TTC39A: variants seen among roughly 807,000 people sequenced by gnomAD.
TTC39A encodes the protein tetratricopeptide repeat protein 39A.
In TTC39A, 46 loss-of-function variants were observed where a neutral mutation model predicts 82.3. That is an observed-to-expected ratio of 0.56 (90% confidence interval 0.44 to 0.71). The LOEUF is 0.71. TTC39A is among the 30% of genes least tolerant of loss of function. The pLI is 0.00. For missense variants in TTC39A, 543 were observed against 712.9 expected, an observed-to-expected ratio of 0.76 and a Z score of 2.71; for synonymous variants, 254 against 275.2, an observed-to-expected ratio of 0.92 and a Z score of 0.76.
At chr1:51,334,218 G>T (rs568561135), upstream of TTC39A, among the ~76,000 whole-genome samples, 8 of 146,430 alleles carry the variant, frequency 5.5e-5, no homozygotes, top group Non-Finnish European at 7.5e-5. Context: ...AAAAAAAAAG[G>T]CCAGGCCAGT....
chr1:51,342,166 C>T (rs189867425), intron 1 of TTC39A, among the ~76,000 whole-genome samples: 5 of 152,224 alleles, frequency 3.3e-5, no homozygotes, highest in African/African-American at 9.6e-5. Context: ...GAGTAGGGTG[C>T]GGTCCCCATT....
intron 1 of TTC39A, among the ~76,000 whole-genome samples, chr1:51,325,412 GTC>G (rs2148294170): frequency 6.6e-6 from 1 of 152,312 alleles, no homozygotes; most frequent in Admixed American, 6.5e-5. Flanking sequence ...GATGGTGTCT[GTC>G]TCTGCCCAGG....
At chr1:51,295,545 C>A (rs1223070032) in intron 13 of TTC39A, 1 of 160,648 alleles carries the variant, frequency 6.2e-6, no homozygotes, top group Non-Finnish European at 1.4e-5. Flanking sequence ...TAGTTCTATG[C>A]GCCAGGCTCT....
At chr1:51,290,449 G>T in intron 15 of TTC39A, 65 bp downstream of exon 15, 1 of 1,441,246 alleles carries the variant, frequency 6.9e-7, no homozygotes, top group Non-Finnish European at 9.5e-7. Context: ...ATTTTTGGCA[G>T]AGGGAAGCTT....
chr1:51,291,179 C>CT lies in TTC39A; in HGVS notation c.1267-555dup, dbSNP rs919738790. ...TTCCTTTTATTCTTTTTCTTAGATT[C>CT]TTTTTTTTTAGTTAAAAAAATTTGG... On this transcript the variant is annotated intron_variant, in intron 14 of 17. Transcript: ENST00000680483. Among the ~76,000 whole-genome samples, 35 of 151,410 alleles carry CT rather than the reference C, an allele frequency of 2.3e-4. No homozygotes were observed. In the East Asian group the frequency reaches 4.5e-3, roughly 19 times the overall value.
At chr1:51,322,003 T>G in intron 1 of TTC39A, 178 bp from the exon 2 acceptor site, 1 of 1,406,452 alleles carries the variant, frequency 7.1e-7, no homozygotes, top group Non-Finnish European at 9.7e-7. Context: ...ACCCACCTCT[T>G]GGTGTTCCCA....
chr1:51,338,936 C>T (rs1295402693), intron 1 of TTC39A, among the ~76,000 whole-genome samples: 1 of 152,172 alleles, frequency 6.6e-6, no homozygotes, highest in Non-Finnish European at 1.5e-5. Context: ...CTGTCCTGTG[C>T]TCAGGGTCAG....
chr1:51,303,131 C>T lies in TTC39A; in HGVS notation c.716G>A (p.Cys239Tyr), dbSNP rs1644738897. 2 of 1,592,452 alleles carry T rather than the reference C, an allele frequency of 1.3e-6. No homozygotes were observed. Among genetic ancestry groups the T allele is most frequent in the South Asian group, 2.3e-5 (2 of 87,234 alleles). The change falls in exon 9 of 18, where the codon TGT (cysteine) becomes TAT (tyrosine). Residue 239 changes from cysteine to tyrosine, a missense_variant. Physicochemically the swap from Cys to Tyr is radical, Grantham distance 194 (BLOSUM62 -2). Transcript: ENST00000680483. Reference sequence around the variant, plus strand: ...GTGGTAGCACAGCAGGAGCATGACACAGAGCACAGAGCGGAAGCTGTGCCC... The same window carrying T: ...GTGGTAGCACAGCAGGAGCATGACATAGAGCACAGAGCGGAAGCTGTGCCC... ...ASGHSFRSVLCVMLLLCYHTF... is the reference protein window; with the variant it reads ...ASGHSFRSVLYVMLLLCYHTF...
In TTC39A at chr1:51,309,362, T is replaced by A. The variant is rs1644994523; in HGVS notation, c.424-37A>T. On this transcript the variant is annotated intron_variant, in intron 5 of 17. Transcript: ENST00000680483. ...AAAGATGCTGACGGCCTGGCCCAGG[T>A]GGGCAGCTGCAGGCGTGAGAGGGAT... is the stretch of plus-strand genomic sequence containing the variant. 7.4e-6 allele frequency: 12 copies of A among 1,612,346 alleles called. No homozygotes were observed. In the East Asian group the frequency reaches 2.7e-4, roughly 36 times the overall value.
chr1:51,345,003 T>C, exon 1 of TTC39A: 1 of 1,523,744 alleles, frequency 6.6e-7, no homozygotes. Flanking sequence ...GCGGTCGCTT[T>C]TCCCGGAGGC....
chr1:51,344,890 C>T (rs1646078559), intron 1 of TTC39A: 3 of 1,412,588 alleles, frequency 2.1e-6, no homozygotes, highest in South Asian at 1.3e-5. Flanking sequence ...ACCCTTTCCC[C>T]AGCTGTGCCT....
intron 7 of TTC39A, 82 bp from the exon 8 acceptor site, chr1:51,305,228 T>A: frequency 7.2e-7 from 1 of 1,394,526 alleles, no homozygotes; most frequent in Non-Finnish European, 1.0e-6. Context: ...TCTAGCTCTT[T>A]AACAGGCTTT....
At chr1:51,326,848 C>A (rs1021649049) in intron 1 of TTC39A, among the ~76,000 whole-genome samples, 3 of 152,174 alleles carry the variant, frequency 2.0e-5, no homozygotes, top group Non-Finnish European at 2.9e-5. Context: ...TCTATTCCTG[C>A]GGTGATGGTG....
At chr1:51,329,431 T>C (rs928970434) in intron 1 of TTC39A, among the ~76,000 whole-genome samples, 2 of 152,134 alleles carry the variant, frequency 1.3e-5, no homozygotes, top group African/African-American at 4.8e-5. Context: ...ACAACAAAAA[T>C]GATGAAGCTG....
chr1:51,317,907 G>T (rs1645352708), intron 2 of TTC39A, among the ~76,000 whole-genome samples: 2 of 152,310 alleles, frequency 1.3e-5, no homozygotes, highest in African/African-American at 2.4e-5. Flanking sequence ...TAGGACGAGG[G>T]TTTCCTTTGG....
chr1:51,315,179 G>A (rs1180528355), intron 2 of TTC39A, among the ~76,000 whole-genome samples: 2 of 152,216 alleles, frequency 1.3e-5, no homozygotes, highest in Admixed American at 1.3e-4. Context: ...CCCCACCCGG[G>A]CAGCTGGCAG....
At chr1:51,290,661 T>C in intron 14 of TTC39A, 36 bp from the exon 15 acceptor site, 2 of 1,567,204 alleles carry the variant, frequency 1.3e-6, no homozygotes, top group South Asian at 1.1e-5. Context: ...CTAGGTTTCT[T>C]CCCTAATGGG....
At chr1:51,335,563 CA>C (rs1178529051), upstream of TTC39A, among the ~76,000 whole-genome samples, 6,784 of 68,082 alleles carry the variant, frequency 0.1, 430 homozygotes, top group African/African-American at 0.25. Context: ...TCTTGTCTCA[CA>C]AAAAAAAAAA....
intron 2 of TTC39A, among the ~76,000 whole-genome samples, chr1:51,319,722 A>G (rs1645423129): frequency 7.0e-6 from 1 of 143,388 alleles, no homozygotes; most frequent in Admixed American, 7.2e-5. Context: ...ACAGAGTCTC[A>G]CTCTGTCACC....
Sources: allele counts gnomAD v4.1 joint callset (sites outside exome capture counted in the v4.1 genomes callset), GRCh38; gene constraint gnomAD v4.1.1; transcripts MANE v1.5; gene names NCBI Gene and HGNC (gene_info 2026-07-23, HGNC 2026-07-21).